TEX2: variants seen among roughly 807,000 people sequenced by gnomAD.
TEX2 encodes testis-expressed protein 2.
Under a neutral mutation model 106.9 loss-of-function variants are expected in TEX2, and 53 were observed. The ratio of observed to expected loss-of-function variants is 0.50; its 90% CI spans 0.40 to 0.62. The LOEUF (loss-of-function observed/expected upper bound fraction) is 0.62. Ranked by LOEUF, TEX2 falls within the 20% of genes least tolerant of loss-of-function variation. TEX2 has a pLI of 0.00. For missense variants in TEX2, 1,207 were observed against 1,379.0 expected (o/e 0.88, Z 1.98); for synonymous variants, 523 against 534.8 (o/e 0.98, Z 0.30).
At chr17:64,207,314 G>A (rs2032864228) in intron 2 of TEX2, among the ~76,000 whole-genome samples, 2 of 152,092 alleles carry the variant, frequency 1.3e-5, no homozygotes. Flanking sequence ...CTGCCTGACT[G>A]GTTCACAGCT....
chr17:64,179,364 CA>C (rs1452441730), intron 5 of TEX2, among the ~76,000 whole-genome samples: 4 of 152,194 alleles, frequency 2.6e-5, no homozygotes, highest in Non-Finnish European at 1.5e-5. Context: ...TGTGATAGGA[CA>C]AAAACAGAAC....
At chr17:64,199,058 A>C (rs782304241) in intron 2 of TEX2, among the ~76,000 whole-genome samples, 2 of 152,246 alleles carry the variant, frequency 1.3e-5, no homozygotes, top group African/African-American at 4.8e-5. Context: ...GGGATTGTAC[A>C]GGTTAATTAT....
chr17:64,226,364 T>G (rs2033505307), intron 1 of TEX2, among the ~76,000 whole-genome samples: 4 of 152,190 alleles, frequency 2.6e-5, no homozygotes, highest in Non-Finnish European at 5.9e-5. Flanking sequence ...ACAGAGAGGT[T>G]CCATGTACTT....
At chr17:64,190,452 C>A (rs1010939) in intron 4 of TEX2, among the ~76,000 whole-genome samples, 1 of 151,970 alleles carries the variant, frequency 6.6e-6, no homozygotes, top group East Asian at 1.9e-4. Flanking sequence ...CCAAACTGAT[C>A]CCATTGTGAC....
chr17:64,261,167 T>A (rs965349783), intron 1 of TEX2, among the ~76,000 whole-genome samples: 1 of 152,208 alleles, frequency 6.6e-6, no homozygotes, highest in South Asian at 2.1e-4. Flanking sequence ...AGCATTTGAC[T>A]TGAAGGAAAG....
At chr17:64,234,002 G>A (rs1338044654) in intron 1 of TEX2, among the ~76,000 whole-genome samples, 1 of 152,170 alleles carries the variant, frequency 6.6e-6, no homozygotes, top group Non-Finnish European at 1.5e-5. Flanking sequence ...GGCCTCCATG[G>A]ACGCCCATTC....
chr17:64,159,061 G>A (rs1210586854), intron 8 of TEX2, among the ~76,000 whole-genome samples: 4 of 152,062 alleles, frequency 2.6e-5, no homozygotes, highest in Non-Finnish European at 5.9e-5. Context: ...CCAGAAACAC[G>A]TCCACCCTCT....
intron 11 of TEX2, 119 bp from the exon 12 acceptor site, chr17:64,149,210 C>T (rs576027401): frequency 1.5e-5 from 16 of 1,078,606 alleles, no homozygotes; most frequent in Admixed American, 1.3e-4. Context: ...TAAAAACTTG[C>T]TATGCATTCC....
At chr17:64,171,998 AAAG>A (rs1191582585) in intron 6 of TEX2, among the ~76,000 whole-genome samples, 2 of 151,642 alleles carry the variant, frequency 1.3e-5, no homozygotes, top group East Asian at 1.9e-4. Context: ...AAAAAAAAGA[AAAG>A]AAGAGAAATT....
intron 5 of TEX2, among the ~76,000 whole-genome samples, chr17:64,177,865 G>T (rs1471601725): frequency 6.6e-6 from 1 of 152,178 alleles, no homozygotes; most frequent in Non-Finnish European, 1.5e-5. Context: ...TGTCAAGCTG[G>T]TGCTCATCCG....
At chr17:64,149,299 A>G in intron 11 of TEX2, 3 of 544,256 alleles carry the variant, frequency 5.5e-6, no homozygotes, top group South Asian at 4.6e-5. Flanking sequence ...ATCCTCTAAT[A>G]TATCAGCTCG....
chr17:64,188,375 C>A lies in TEX2; in HGVS notation c.2217G>T (p.Gly739=), dbSNP rs2032161505. 1.2e-6 allele frequency: 2 copies of A among 1,614,074 alleles called. No individual in the cohort carries two copies. The highest frequency in any genetic ancestry group is 1.7e-6 in the Non-Finnish European group (2 of 1,180,046). The change falls in exon 5 of 12, where the codon GGG becomes GGT. Residue 739 remains glycine, a synonymous_variant. Transcript: ENST00000584379. ...PAHSRHNSPS[G]HLTHSRSSSK... is the part of the protein sequence containing the mutation. The stretch of plus-strand genomic sequence containing the variant: ...TGCTGCTGCGGCTGTGGGTCAGGTG[C>A]CCGGACGGACTGTTGTGTCTGCTGT...
intron 6 of TEX2, among the ~76,000 whole-genome samples, chr17:64,171,522 G>A (rs1598135979): frequency 6.6e-6 from 1 of 152,076 alleles, no homozygotes; most frequent in Admixed American, 6.5e-5. Context: ...ACACGGGGGT[G>A]GCTGTTTTGG....
intron 7 of TEX2, among the ~76,000 whole-genome samples, chr17:64,163,934 C>A (rs988449808): frequency 5.3e-5 from 8 of 152,194 alleles, no homozygotes; most frequent in Non-Finnish European, 1.0e-4. Context: ...TTTCTATAAC[C>A]ATGTGCCCTG....
At chr17:64,194,852 T>G in intron 3 of TEX2, 43 bp downstream of exon 3, 1 of 1,592,492 alleles carries the variant, frequency 6.3e-7, no homozygotes, top group Non-Finnish European at 8.6e-7. Context: ...GCCATATGCT[T>G]TTCATTCATC....
chr17:64,241,172 G>A (rs1035207481), intron 1 of TEX2, among the ~76,000 whole-genome samples: 3 of 152,182 alleles, frequency 2.0e-5, no homozygotes, highest in Admixed American at 6.5e-5. Flanking sequence ...AGTGACTGCT[G>A]AGGGGTCGGT....
At chr17:64,176,790 T>G in intron 6 of TEX2, among the ~76,000 whole-genome samples, 1 of 152,168 alleles carries the variant, frequency 6.6e-6, no homozygotes, top group East Asian at 1.9e-4. Context: ...CTTTCCCAGC[T>G]TGAGAGGGAG....
chr17:64,175,184 CAG>C (rs1379358704), intron 6 of TEX2, among the ~76,000 whole-genome samples: 3 of 152,198 alleles, frequency 2.0e-5, no homozygotes, highest in Non-Finnish European at 2.9e-5. Flanking sequence ...GTGACAGCTT[CAG>C]AATTTGGTAA....
At chr17:64,186,820 T>C (rs1199382860) in intron 5 of TEX2, among the ~76,000 whole-genome samples, 2 of 148,918 alleles carry the variant, frequency 1.3e-5, no homozygotes, top group Non-Finnish European at 3.0e-5. Flanking sequence ...TGCGAGACCT[T>C]GTCTCAAAAA....
Sources: gnomAD v4.1 joint callset for allele counts (sites outside exome capture counted in the v4.1 genomes callset) on GRCh38, gnomAD v4.1.1 for gene constraint, MANE v1.5 for transcripts, NCBI Gene and HGNC (gene_info 2026-07-23, HGNC 2026-07-21) for gene names.